Variants in OPRM1 observed in about 807,000 individuals in gnomAD.
OPRM1 encodes the protein mu-type opioid receptor.
OPRM1 carries 27 observed loss-of-function variants against 31.8 expected under a neutral mutation model. The ratio of observed to expected loss-of-function variants is 0.85; its 90% CI spans 0.63 to 1.17. The LOEUF is 1.17. Among genes scored for constraint, OPRM1 ranks in the 50% most tolerant of loss-of-function variants. The pLI, the probability that OPRM1 is intolerant of heterozygous loss-of-function variation, is 0.00. For synonymous variants in OPRM1, 196 were observed against 189.9 expected (o/e 1.03, Z -0.26); for missense variants, 536 against 511.1 (o/e 1.05, Z -0.47).
chr6:154,172,406 C>T (rs1045816962), intron 3 of OPRM1, among the ~76,000 whole-genome samples: 17 of 152,300 alleles, frequency 1.1e-4, no homozygotes, highest in African/African-American at 2.6e-4. Flanking sequence ...CATGAGTAAC[C>T]GTACCTGGAG....
chr6:154,160,511 TCA>T, intron 3 of OPRM1, among the ~76,000 whole-genome samples: 1 of 152,350 alleles, frequency 6.6e-6, no homozygotes, highest in South Asian at 2.1e-4. Context: ...TTTTAATAAA[TCA>T]CATTTATTTA....
chr6:154,109,509 A>T (rs1796079235), intron 3 of OPRM1, among the ~76,000 whole-genome samples: 1 of 152,208 alleles, frequency 6.6e-6, no homozygotes, highest in Non-Finnish European at 1.5e-5. Context: ...CCTACATGAA[A>T]AGGACACTGA....
chr6:154,208,263 C>A (rs945738950), intron 3 of OPRM1, among the ~76,000 whole-genome samples: 1 of 152,186 alleles, frequency 6.6e-6, no homozygotes, highest in Non-Finnish European at 1.5e-5. Flanking sequence ...GGGCTCCTTG[C>A]AGTACCACAC....
At chr6:154,229,984 A>G (rs12212773) in intron 3 of OPRM1, among the ~76,000 whole-genome samples, 12,988 of 152,226 alleles carry the variant, frequency 0.085, 1,020 homozygotes, top group East Asian at 0.44. Context: ...TGACTGTGTG[A>G]TTCCATTTCT....
intron 1 of OPRM1, among the ~76,000 whole-genome samples, chr6:154,015,343 T>A (rs1426390452): frequency 6.6e-6 from 1 of 152,060 alleles, no homozygotes; most frequent in East Asian, 1.9e-4. Context: ...TCAACTTGGT[T>A]ACATATACAT....
At chr6:154,153,217 G>A (rs1798589100) in intron 3 of OPRM1, among the ~76,000 whole-genome samples, 1 of 152,156 alleles carries the variant, frequency 6.6e-6, no homozygotes, top group Admixed American at 6.5e-5. Context: ...TGGTCCACGG[G>A]GACTCAGCAG....
chr6:154,223,053 T>A (rs1583839331), intron 3 of OPRM1: 2 of 814,550 alleles, frequency 2.5e-6, no homozygotes, highest in East Asian at 5.2e-5. Flanking sequence ...ATGCTTCAAA[T>A]TCTCAGACAT....
At chr6:154,148,887 C>T (rs2128540675) in intron 3 of OPRM1, among the ~76,000 whole-genome samples, 1 of 152,310 alleles carries the variant, frequency 6.6e-6, no homozygotes, top group Middle Eastern at 3.4e-3. Context: ...ATTACTTGAC[C>T]TCTGTATACC....
chr6:154,242,830 G>C (rs556728481), intron 3 of OPRM1, among the ~76,000 whole-genome samples: 242 of 152,256 alleles, frequency 1.6e-3, no homozygotes, highest in African/African-American at 5.7e-3. Flanking sequence ...AGAGGTTGCA[G>C]TGAGCCGAGA....
In OPRM1 at chr6:154,011,145, A is replaced by C. The variant is rs181908362; in HGVS notation, c.-1+127A>C. ...ACATTCTACCTTGTCCCTGTGATGT[A>C]AGAGCAGGAAATAAGGAATACCAAG... On this transcript the variant is annotated intron_variant, in intron 1 of 5. Coordinates refer to the OPRM1 transcript ENST00000434900. The C allele has an allele frequency of 1.0e-4, 89 of 862,350 alleles. 1 individual carries two copies. The East Asian group carries it at 3.0e-3, about 29-fold the overall frequency. 53.4% of individuals were successfully genotyped at this position (862,350 alleles called of 1,614,324 possible).
At chr6:154,193,276 C>T (rs1447490152) in intron 3 of OPRM1, among the ~76,000 whole-genome samples, 1 of 152,084 alleles carries the variant, frequency 6.6e-6, no homozygotes, top group Non-Finnish European at 1.5e-5. Flanking sequence ...GAATGGAAAA[C>T]CAAAATTGTA....
intron 3 of OPRM1, among the ~76,000 whole-genome samples, chr6:154,167,031 C>G (rs936768753): frequency 6.6e-6 from 1 of 152,160 alleles, no homozygotes; most frequent in Admixed American, 6.5e-5. Flanking sequence ...ACTGGGACGC[C>G]TAAGAGCCAC....
chr6:154,041,865 A>T (rs916105169), intron 1 of OPRM1, among the ~76,000 whole-genome samples: 4 of 152,084 alleles, frequency 2.6e-5, no homozygotes, highest in Non-Finnish European at 5.9e-5. Context: ...TTCCTTCCTC[A>T]TTTTTCTACC....
chr6:154,090,855 T>A lies in OPRM1; in HGVS notation c.644-97T>A, dbSNP rs141572451. 46 of 1,102,502 alleles carry A rather than the reference T, an allele frequency of 4.2e-5. No homozygotes were observed. The African/African-American group carries it at 6.6e-4, about 16-fold the overall frequency. 68.3% of individuals were successfully genotyped at this position (1,102,502 alleles called of 1,614,324 possible). A position where few individuals can be genotyped will look rare whatever the true frequency, so the allele number is the denominator to read the frequency against. On this transcript the variant is annotated intron_variant, in intron 2 of 3. Coordinates refer to ENST00000330432, the MANE Select transcript of OPRM1 (RefSeq NM_000914.5). Reference sequence around the variant, plus strand: ...CTTTATAGCCTTAAGTTAGCTCTGGTCAAGGCTAAAAATGAATGAGCAAAA... The same window carrying A: ...CTTTATAGCCTTAAGTTAGCTCTGGACAAGGCTAAAAATGAATGAGCAAAA...
chr6:154,159,752 G>A (rs1003224969), intron 3 of OPRM1: 17 of 1,208,406 alleles, frequency 1.4e-5, no homozygotes, highest in Non-Finnish European at 2.0e-5. Flanking sequence ...TCCTTTTAAG[G>A]AAAAATGTAA....
At chr6:154,220,312 G>A (rs790263) in intron 3 of OPRM1, among the ~76,000 whole-genome samples, 10 of 151,898 alleles carry the variant, frequency 6.6e-5, no homozygotes, top group African/African-American at 2.4e-4. Flanking sequence ...CTAAATCAAA[G>A]AGAATGCCCT....
intron 3 of OPRM1, among the ~76,000 whole-genome samples, chr6:154,177,584 A>G (rs1297598910): frequency 6.6e-6 from 1 of 152,248 alleles, no homozygotes; most frequent in African/African-American, 2.4e-5. Context: ...CAAAACCACA[A>G]TGAGATACCA....
At chr6:154,132,994 A>G (rs928313125), downstream of OPRM1, among the ~76,000 whole-genome samples, 1 of 151,992 alleles carries the variant, frequency 6.6e-6, no homozygotes, top group Non-Finnish European at 1.5e-5. Context: ...GGTGGCAGGC[A>G]CCTGTAGCCC....
At chr6:154,181,364 A>G (rs2128568819) in intron 3 of OPRM1, among the ~76,000 whole-genome samples, 1 of 152,266 alleles carries the variant, frequency 6.6e-6, no homozygotes, top group African/African-American at 2.4e-5. Flanking sequence ...ACGTTATTTC[A>G]TTATCTTTTA....
Sources: gnomAD v4.1 joint callset for allele counts (sites outside exome capture counted in the v4.1 genomes callset) on GRCh38, gnomAD v4.1.1 for gene constraint, MANE v1.5 for transcripts, NCBI Gene and HGNC (gene_info 2026-07-23, HGNC 2026-07-21) for gene names.